TNN: variants seen among roughly 807,000 people sequenced by gnomAD.
The protein encoded by TNN is tenascin-N.
TNN carries 122 observed loss-of-function variants against 134.4 expected under a neutral mutation model. That is an observed-to-expected ratio of 0.91 (90% CI 0.78 to 1.06). The LOEUF is 1.06. Ranked by LOEUF, TNN falls within the 50% of genes least tolerant of loss-of-function variation. The probability of loss-of-function intolerance (pLI) is 0.00; values close to 1 mark genes in which losing one functional copy is unlikely to be tolerated. For missense variants in TNN, 1,739 were observed against 1,699.4 expected (o/e 1.02, Z -0.41); for synonymous variants, 710 against 670.3 (o/e 1.06, Z -0.91).
chr1:175,123,491 G>T lies in TNN; in HGVS notation c.2742G>T (p.Lys914Asn). 6.2e-7 allele frequency: 1 copy of T among 1,614,236 alleles called. No homozygotes were observed. The highest frequency in any genetic ancestry group is 8.5e-7 in the Non-Finnish European group (1 of 1,180,038). The change falls in exon 12 of 19, where the codon AAG becomes AAT. Residue 914 changes from lysine (K) to asparagine (N), a missense_variant. Physicochemically the swap from Lys to Asn is moderately conservative, Grantham distance 94 (BLOSUM62 0). Transcript: ENST00000239462. ...SWDPVQATID[K>N]YMVRYTSADG... ...ACCCGGTTCAGGCCACCATTGACAA[G>T]TACATGGTGCGCTACACCTCTGCTG...
In TNN at chr1:175,135,937, G is replaced by T. The variant is rs1159438108; in HGVS notation, c.3423G>T (p.Trp1141Cys). The T allele has an allele frequency of 6.2e-7, 1 of 1,610,280 alleles. No individual in the cohort carries two copies. Among genetic ancestry groups the T allele is most frequent in the Non-Finnish European group, 8.5e-7 (1 of 1,176,866 alleles). ...EGFGDPMKEF[W>C]LGLDKLHNLT... ...TTGGGGACCCCATGAAGGAGTTCTG[G>T]CTTGGTATGATCTCAGAATCCAGGA... The change falls in exon 16 of 19, where the codon TGG (tryptophan) becomes TGT (cysteine). Residue 1141 changes from tryptophan to cysteine, a missense_variant. Transcript: ENST00000239462.
At chr1:175,085,814 T>A (rs1301446281) in intron 6 of TNN, among the ~76,000 whole-genome samples, 1 of 137,948 alleles carries the variant, frequency 7.2e-6, no homozygotes, top group Non-Finnish European at 1.5e-5. Context: ...GTGGAGGTTG[T>A]GGTGAGCCGA....
At position 175,094,156 on chromosome 1, in the gene TNN, C is replaced by A; in HGVS notation, c.1491C>A (p.Val497=). The change falls in exon 7 of 19, where the codon GTC becomes GTA. Residue 497 remains valine (V), a synonymous_variant. Transcript: ENST00000239462. ...TGCACAAGGATGAGAGCAGCACTGT[C>A]CTGACGGGCCTGAAGCCAGGAGAGG... ...MAVHKDESST[V]LTGLKPGEAY... is the part of the protein sequence containing the mutation. 6.2e-7 allele frequency: 1 copy of A among 1,614,150 alleles called. No homozygotes were observed.
chr1:175,116,943 T>C lies in TNN; in HGVS notation c.2124T>C (p.Ile708=). The C allele has an allele frequency of 6.2e-7, 1 of 1,614,184 alleles. No individual in the cohort carries two copies. Among genetic ancestry groups the C allele is most frequent in the Non-Finnish European group, 8.5e-7 (1 of 1,180,026 alleles). ...KKADTKAQTD[I]DSPQNLVTDR... is the part of the protein sequence containing the mutation. ...ATCAGCAATTTTTTTTTTCAGACAT[T>C]GACAGCCCCCAAAACCTGGTGACCG... is the stretch of plus-strand genomic sequence containing the variant. Residue 708 remains isoleucine, a synonymous_variant, in exon 10 of 19, where the codon ATT becomes ATC. Transcript: ENST00000239462.
At position 175,135,952 on chromosome 1, in the gene TNN, A is replaced by T; in HGVS notation, c.3427+11A>T. On this transcript the variant is annotated intron_variant, in intron 16 of 18. Coordinates refer to ENST00000239462, the MANE Select transcript of TNN (RefSeq NM_022093.2). ...AGGAGTTCTGGCTTGGTATGATCTC[A>T]GAATCCAGGAGGCTGGGGCTGTGGG... 1.3e-6 allele frequency: 2 copies of T among 1,588,164 alleles called. No individual in the cohort carries two copies. Among genetic ancestry groups the T allele is most frequent in the Non-Finnish European group, 1.7e-6 (2 of 1,157,166 alleles).
At chr1:175,133,083 C>T (rs1223401840) in intron 15 of TNN, among the ~76,000 whole-genome samples, 2 of 152,158 alleles carry the variant, frequency 1.3e-5, no homozygotes, top group Admixed American at 1.3e-4. Context: ...GCAATTCTAG[C>T]CTTTGGTTAG....
chr1:175,093,271 G>A (rs1291043136), intron 6 of TNN, among the ~76,000 whole-genome samples: 1 of 152,136 alleles, frequency 6.6e-6, no homozygotes, highest in Non-Finnish European at 1.5e-5. Flanking sequence ...ATGTGTCAAA[G>A]AAAAAATGAG....
chr1:175,146,579 A>C (rs971296618), intron 18 of TNN, among the ~76,000 whole-genome samples: 1 of 152,084 alleles, frequency 6.6e-6, no homozygotes, highest in South Asian at 2.1e-4. Context: ...AGTGAAGGAA[A>C]GATAATTTGC....
chr1:175,118,956 A>AAAAAC, intron 11 of TNN, 132 bp downstream of exon 11: 3 of 1,269,454 alleles, frequency 2.4e-6, no homozygotes, highest in South Asian at 1.5e-5. Flanking sequence ...AGTTTGCTGT[A>AAAAAC]AAAACAAAAC....
At chr1:175,095,360 G>A (rs763254684) in intron 7 of TNN, among the ~76,000 whole-genome samples, 5 of 152,198 alleles carry the variant, frequency 3.3e-5, no homozygotes, top group African/African-American at 7.2e-5. Flanking sequence ...CTCTGCCATT[G>A]GAGCATGAAA....
intron 1 of TNN, among the ~76,000 whole-genome samples, chr1:175,071,422 C>A (rs891151963): frequency 6.6e-6 from 1 of 152,180 alleles, no homozygotes; most frequent in South Asian, 2.1e-4. Context: ...ACAGAAGTAT[C>A]TGTGCACTTT....
In TNN at chr1:175,135,893, A is replaced by C; in HGVS notation, c.3379A>C (p.Arg1127=). 1.9e-6 allele frequency: 3 copies of C among 1,613,868 alleles called. No individual in the cohort carries two copies. The highest frequency in any genetic ancestry group is 2.5e-6 in the Non-Finnish European group (3 of 1,179,872). The stretch of plus-strand genomic sequence containing the variant: ...GCAGCTGGATTTCTTCAAGCGATGG[A>C]GGAGCTATGTGGAAGGCTTTGGGGA... The part of the protein sequence containing the change: ...TGQLDFFKRW[R]SYVEGFGDPM... Residue 1127 remains arginine, a synonymous_variant, in exon 16 of 19, where the codon AGG becomes CGG. Transcript: ENST00000239462.
intron 1 of TNN, among the ~76,000 whole-genome samples, chr1:175,073,146 G>A (rs1021274394): frequency 3.9e-5 from 6 of 151,970 alleles, no homozygotes; most frequent in Non-Finnish European, 5.9e-5. Context: ...ATCAATATGC[G>A]TTGTTACTGG....
chr1:175,086,305 G>A lies in TNN; in HGVS notation c.1324+811G>A, dbSNP rs1574144730. On this transcript the variant is annotated intron_variant, in intron 6 of 18. Coordinates refer to ENST00000239462, the MANE Select transcript of TNN (RefSeq NM_022093.2). Reference sequence around the variant, plus strand: ...ATTGAGAAAATATATAATGATAAAAGGTTACAAATCAGTCATATTTGACAA... The same window carrying A: ...ATTGAGAAAATATATAATGATAAAAAGTTACAAATCAGTCATATTTGACAA... Among the ~76,000 whole-genome samples the A allele has an allele frequency of 2.0e-5, 3 of 152,274 alleles. No homozygotes were observed. The South Asian group carries it at 6.2e-4, about 32-fold the overall frequency.
At chr1:175,074,154 A>C (rs1673983257) in intron 1 of TNN, among the ~76,000 whole-genome samples, 1 of 150,984 alleles carries the variant, frequency 6.6e-6, no homozygotes. Context: ...CCCCACCCCC[A>C]ACCCCCAAAC....
intron 9 of TNN, among the ~76,000 whole-genome samples, chr1:175,114,748 G>A (rs1011324437): frequency 2.0e-5 from 3 of 151,366 alleles, no homozygotes; most frequent in Admixed American, 6.6e-5. Context: ...AAGAAGAAGT[G>A]CTCTGGAAGT....
chr1:175,136,025 A>G, intron 16 of TNN, 84 bp downstream of exon 16: 3 of 978,886 alleles, frequency 3.1e-6, no homozygotes, highest in Admixed American at 1.8e-5. Context: ...AGGGAAGCTC[A>G]CCACCTTCAC....
chr1:175,098,252 A>T, intron 8 of TNN, 80 bp from the exon 9 acceptor site: 1 of 1,590,666 alleles, frequency 6.3e-7, no homozygotes, highest in Non-Finnish European at 8.6e-7. Flanking sequence ...GCTCTGGAAG[A>T]TGAAAATGAT....
intron 9 of TNN, among the ~76,000 whole-genome samples, chr1:175,115,249 G>A (rs1482259266): frequency 6.6e-6 from 1 of 152,158 alleles, no homozygotes; most frequent in Non-Finnish European, 1.5e-5. Flanking sequence ...CCTGAGGGAT[G>A]TGACTATGCT....
Sources: allele counts gnomAD v4.1 joint callset (sites outside exome capture counted in the v4.1 genomes callset), GRCh38; gene constraint gnomAD v4.1.1; transcripts MANE v1.5; gene names NCBI Gene and HGNC (gene_info 2026-07-23, HGNC 2026-07-21).